ADK: variants seen among roughly 807,000 people sequenced by gnomAD.
ADK encodes the protein N6,N6-dimethyladenosine kinase.
ADK carries 24 observed loss-of-function variants against 44.7 expected under a neutral mutation model. The observed-to-expected ratio is 0.54, with a 90% CI of 0.39 to 0.76. The LOEUF (loss-of-function observed/expected upper bound fraction) is 0.76. ADK is among the 30% of genes least tolerant of loss of function. ADK has a pLI of 0.00. For synonymous variants in ADK, 128 were observed against 142.6 expected, an observed-to-expected ratio of 0.90 and a Z score of 0.73; for missense variants, 321 against 425.1, an observed-to-expected ratio of 0.76 and a Z score of 2.15.
chr10:74,401,984 C>T (rs1207185463), intron 6 of ADK, among the ~76,000 whole-genome samples: 1 of 152,156 alleles, frequency 6.6e-6, no homozygotes, highest in Non-Finnish European at 1.5e-5. Flanking sequence ...GATTTTATTT[C>T]TCCTTCACTT....
At chr10:74,705,253 T>C (rs1344915025) in intron 10 of ADK, among the ~76,000 whole-genome samples, 1 of 144,096 alleles carries the variant, frequency 6.9e-6, no homozygotes, top group African/African-American at 2.6e-5. Flanking sequence ...TTTCTCATTA[T>C]TATCTGCTCT....
intron 2 of ADK, among the ~76,000 whole-genome samples, chr10:74,220,187 T>A (rs972582989): frequency 6.6e-6 from 1 of 151,854 alleles, no homozygotes; most frequent in Non-Finnish European, 1.5e-5. Flanking sequence ...ATAAAGGGGA[T>A]ATCACCACTG....
At chr10:74,190,970 G>C (rs1027280197) in intron 1 of ADK, among the ~76,000 whole-genome samples, 1 of 146,524 alleles carries the variant, frequency 6.8e-6, no homozygotes, top group Non-Finnish European at 1.5e-5. Context: ...TCTGAAAAAG[G>C]CTATTTTTGA....
intron 4 of ADK, among the ~76,000 whole-genome samples, chr10:74,385,635 A>T (rs1480610761): frequency 6.6e-6 from 1 of 152,248 alleles, no homozygotes; most frequent in Non-Finnish European, 1.5e-5. Flanking sequence ...TCTGCATTTT[A>T]TCACAGTCTC....
intron 4 of ADK, among the ~76,000 whole-genome samples, chr10:74,348,785 A>G (rs1338490977): frequency 6.6e-6 from 1 of 151,670 alleles, no homozygotes; most frequent in African/African-American, 2.4e-5. Flanking sequence ...TCAATAGCCA[A>G]ATCGATCAAG....
chr10:74,351,296 A>G (rs779393879), intron 4 of ADK, among the ~76,000 whole-genome samples: 2 of 152,236 alleles, frequency 1.3e-5, no homozygotes, highest in Admixed American at 6.5e-5. Flanking sequence ...AATCTATCAC[A>G]TAAACAGAAC....
intron 6 of ADK, among the ~76,000 whole-genome samples, chr10:74,456,754 C>A (rs1011565194): frequency 4.0e-5 from 6 of 148,762 alleles, no homozygotes; most frequent in African/African-American, 1.5e-4. Context: ...GAAATTAAGA[C>A]AGAAATAAAG....
chr10:74,585,401 CAAT>C lies in ADK; in HGVS notation c.727-3880_727-3878del, dbSNP rs1256619744. 2.0e-5 allele frequency among the ~76,000 whole-genome samples: 3 copies of C among 152,050 alleles called. No homozygotes were observed. In the East Asian group the frequency reaches 5.8e-4, roughly 29 times the overall value. On this transcript the variant is annotated intron_variant, in intron 7 of 10. Coordinates refer to ENST00000539909, the MANE Select transcript of ADK (RefSeq NM_006721.4). ...TGATACTGTATTATAGCATAGACAACAATGAGAACTGATTCTGAAAATGTGACC... is the reference window on the plus strand; with the variant it reads ...TGATACTGTATTATAGCATAGACAACGAGAACTGATTCTGAAAATGTGACC...
intron 6 of ADK, among the ~76,000 whole-genome samples, chr10:74,413,829 A>G (rs1368095379): frequency 6.6e-6 from 1 of 152,214 alleles, no homozygotes; most frequent in East Asian, 1.9e-4. Context: ...TTTGACTTAA[A>G]GTGAGAGACA....
At chr10:74,476,921 T>TA (rs1417516791) in intron 6 of ADK, among the ~76,000 whole-genome samples, 1 of 152,224 alleles carries the variant, frequency 6.6e-6, no homozygotes, top group Non-Finnish European at 1.5e-5. Context: ...GGCTTTTTTT[T>TA]ACTTAGCAAA....
chr10:74,562,175 C>T (rs915219601), intron 7 of ADK, among the ~76,000 whole-genome samples: 4 of 152,148 alleles, frequency 2.6e-5, no homozygotes, highest in African/African-American at 9.7e-5. Flanking sequence ...CTGTGGAAAA[C>T]ATAGTTACAG....
chr10:74,481,964 C>G (rs965434323), intron 6 of ADK, among the ~76,000 whole-genome samples: 3 of 152,146 alleles, frequency 2.0e-5, no homozygotes, highest in Admixed American at 1.3e-4. Context: ...TTTCCTTAAC[C>G]CTTGGAGACA....
intron 3 of ADK, among the ~76,000 whole-genome samples, chr10:74,225,760 G>C (rs185905337): frequency 2.4e-4 from 37 of 152,116 alleles, no homozygotes; most frequent in African/African-American, 8.9e-4. Flanking sequence ...TCCATAGTGG[G>C]TTCTCAAATA....
chr10:74,641,742 C>G (rs1381319565), intron 9 of ADK: 1 of 152,222 alleles, frequency 6.6e-6, no homozygotes. Flanking sequence ...TGTTCGGGAT[C>G]TTTTCTAAGT....
At chr10:74,152,802 TTA>T (rs1392069497) in intron 1 of ADK, among the ~76,000 whole-genome samples, 1 of 152,214 alleles carries the variant, frequency 6.6e-6, no homozygotes, top group African/African-American at 2.4e-5. Flanking sequence ...GCATGTTTTC[TTA>T]TACCTGCAGT....
At chr10:74,529,243 G>A (rs1259086514) in intron 7 of ADK, 1 of 152,066 alleles carries the variant, frequency 6.6e-6, no homozygotes, top group Non-Finnish European at 1.5e-5. Context: ...AGTAAAATAA[G>A]CCAGACACAT....
At chr10:74,619,377 C>A (rs925461498) in intron 9 of ADK, among the ~76,000 whole-genome samples, 1 of 151,932 alleles carries the variant, frequency 6.6e-6, no homozygotes, top group Non-Finnish European at 1.5e-5. Context: ...ATTGCTTGAA[C>A]CCAGGAGGCA....
intron 6 of ADK, among the ~76,000 whole-genome samples, chr10:74,442,686 C>G (rs930319693): frequency 6.6e-6 from 1 of 151,966 alleles, no homozygotes; most frequent in Non-Finnish European, 1.5e-5. Flanking sequence ...GAAATGAAAT[C>G]AGTATGTTGA....
At chr10:74,323,682 T>A (rs965984874) in intron 4 of ADK, among the ~76,000 whole-genome samples, 1 of 151,476 alleles carries the variant, frequency 6.6e-6, no homozygotes, top group African/African-American at 2.4e-5. Context: ...ACCATTCTCC[T>A]GCCTCAGCCT....
Sources: gnomAD v4.1 joint callset for allele counts (sites outside exome capture counted in the v4.1 genomes callset) on GRCh38, gnomAD v4.1.1 for gene constraint, MANE v1.5 for transcripts, NCBI Gene and HGNC (gene_info 2026-07-23, HGNC 2026-07-21) for gene names.